Variants in SLC13A5 observed in about 807,000 individuals in gnomAD.
SLC13A5 encodes Na(+)/citrate cotransporter.
SLC13A5 carries 25 observed loss-of-function variants against 56.5 expected under a neutral mutation model. The observed-to-expected ratio is 0.44, with a 90% CI of 0.32 to 0.62. SLC13A5 has a LOEUF of 0.62. Among genes scored for constraint, SLC13A5 ranks in the 20% least tolerant of loss-of-function variants. The probability of loss-of-function intolerance (pLI) is 0.04; values close to 1 mark genes in which losing one functional copy is unlikely to be tolerated. For missense variants in SLC13A5, 649 were observed against 737.8 expected (o/e 0.88, Z 1.39); for synonymous variants, 307 against 301.5 (o/e 1.02, Z -0.19).
intron 3 of SLC13A5, among the ~76,000 whole-genome samples, chr17:6,706,186 C>T (rs78514965): frequency 0.011 from 1,635 of 152,204 alleles, 25 homozygotes; most frequent in African/African-American, 0.036. Context: ...TGAGTGATAT[C>T]GGGGAAGATA....
chr17:6,694,939 G>A (rs563299387), intron 7 of SLC13A5, among the ~76,000 whole-genome samples: 30 of 152,216 alleles, frequency 2.0e-4, no homozygotes, highest in African/African-American at 7.0e-4. Context: ...TTCTGACAAC[G>A]TCTTAGCCAG....
At position 6,704,043 on chromosome 17, in the gene SLC13A5, A is replaced by T. The variant is rs771925824; in HGVS notation, c.382T>A (p.Phe128Ile). ...GACAGGAGGGCTGTGACGCCCATGA[A>T]GCCCAGCATCAGCCTGCAGAGGAGG... ...GAKPARLMLG[F>I]MGVTALLSMW... The change falls in exon 4 of 12, where the codon TTC becomes ATC. Residue 128 changes from phenylalanine to isoleucine, a missense_variant. Physicochemically the swap from Phe to Ile is conservative, Grantham distance 21. Transcript: ENST00000433363. 6.2e-7 allele frequency: 1 copy of T among 1,611,808 alleles called. No individual in the cohort carries two copies. Among genetic ancestry groups the T allele is most frequent in the African/African-American group, 1.3e-5 (1 of 74,876 alleles).
chr17:6,692,818 A>C lies in SLC13A5; in HGVS notation c.1275+226T>G. Reference sequence around the variant, plus strand: ...CTCTCTTGGCTAACCACGGTCACTCATTCACTCATTCCTGCAATCGCTCAA... The same window carrying C: ...CTCTCTTGGCTAACCACGGTCACTCCTTCACTCATTCCTGCAATCGCTCAA... On this transcript the variant is annotated intron_variant, in intron 9 of 11. Transcript: ENST00000433363. This position sits in a 1 kb window ranked among gnomAD's most constrained non-coding sequence, Gnocchi z 5.5. 1.8e-6 allele frequency: 1 copy of C among 562,658 alleles called. No individual in the cohort carries two copies. The highest frequency in any genetic ancestry group is 3.2e-6 in the Non-Finnish European group (1 of 314,732). 34.9% of individuals were successfully genotyped at this position (562,658 alleles called of 1,614,324 possible). A position where few individuals can be genotyped will look rare whatever the true frequency, so the allele number is the denominator to read the frequency against.
intron 4 of SLC13A5, among the ~76,000 whole-genome samples, chr17:6,703,595 G>A (rs561613023): frequency 1.3e-4 from 20 of 152,304 alleles, no homozygotes; most frequent in African/African-American, 4.3e-4. Context: ...CTAAGTGCTC[G>A]AAAGATGCCC....
chr17:6,696,185 T>G (rs1973556464), intron 6 of SLC13A5, among the ~76,000 whole-genome samples: 1 of 152,130 alleles, frequency 6.6e-6, no homozygotes, highest in South Asian at 2.1e-4. Flanking sequence ...CCCAGACACC[T>G]GGAGACTGGC....
At chr17:6,696,800 C>G (rs1183374895) in intron 6 of SLC13A5, among the ~76,000 whole-genome samples, 1 of 152,110 alleles carries the variant, frequency 6.6e-6, no homozygotes, top group Non-Finnish European at 1.5e-5. Context: ...CCTGGAGAGC[C>G]CTCCCTCGTG....
Position 6,694,325 on chromosome 17 carries a change from G to A in SLC13A5, c.1056-128C>T. On this transcript the variant is annotated intron_variant, in intron 7 of 11. Transcript: ENST00000433363. ...CAGGCTCACAGCCTTAAAAGTCAAGGTCAAGAGTGGTGGCCAGGTGCAGTG... is the reference window on the plus strand; with the variant it reads ...CAGGCTCACAGCCTTAAAAGTCAAGATCAAGAGTGGTGGCCAGGTGCAGTG... 3 of 585,452 alleles carry A rather than the reference G, an allele frequency of 5.1e-6. No homozygotes were observed. The South Asian group carries it at 6.2e-5, about 12-fold the overall frequency. 36.3% of individuals were successfully genotyped at this position (585,452 alleles called of 1,614,324 possible).
intron 6 of SLC13A5, among the ~76,000 whole-genome samples, chr17:6,697,040 T>C (rs1193891055): frequency 6.6e-6 from 1 of 152,050 alleles, no homozygotes; most frequent in Non-Finnish European, 1.5e-5. Context: ...GGACCTCAGG[T>C]CTACACGGCT....
At chr17:6,700,750 G>A (rs990104768) in intron 6 of SLC13A5, among the ~76,000 whole-genome samples, 2 of 152,202 alleles carry the variant, frequency 1.3e-5, no homozygotes, top group Admixed American at 1.3e-4. Context: ...AGCAGCATTT[G>A]AACTAGCCTT....
rs764688100 is a variant in SLC13A5 at position 6,706,705 on chromosome 17, C to T, written c.305G>A (p.Arg102His). ...GGCGATCCTCTTGTGCAGGTTCCAG[C>T]GCTCCACAGCCACGGCCACGATGAG... ...GGLIVAVAVE[R>H]WNLHKRIALR... The change falls in exon 3 of 12, where the codon CGC becomes CAC. Residue 102 changes from arginine (R) to histidine (H), a missense_variant. By Grantham distance (29) the Arg-to-His change is conservative (BLOSUM62 0). Transcript: ENST00000433363. The T allele has an allele frequency of 2.4e-5, 39 of 1,613,834 alleles. No individual in the cohort carries two copies. The highest frequency in any genetic ancestry group is 1.5e-4 in the Admixed American group (9 of 59,986).
At chr17:6,708,791 C>A (rs1320534026) in intron 1 of SLC13A5, among the ~76,000 whole-genome samples, 1 of 152,206 alleles carries the variant, frequency 6.6e-6, no homozygotes, top group African/African-American at 2.4e-5. Context: ...AGAATGCACA[C>A]TGACACGCAC....
intron 6 of SLC13A5, among the ~76,000 whole-genome samples, chr17:6,697,156 G>A (rs1026207373): frequency 9.9e-5 from 15 of 152,164 alleles, no homozygotes; most frequent in Admixed American, 7.2e-4. Flanking sequence ...GTAAGACAGG[G>A]CCTCTCTGCT....
At chr17:6,704,549 G>A (rs1973814308) in intron 3 of SLC13A5, 1 of 282,156 alleles carries the variant, frequency 3.5e-6, no homozygotes. Flanking sequence ...AGCAGAGTAG[G>A]GGTAGGGTGA....
At chr17:6,706,493 A>G in intron 3 of SLC13A5, 149 bp downstream of exon 3, 2 of 1,139,792 alleles carry the variant, frequency 1.8e-6, no homozygotes, top group Non-Finnish European at 2.4e-6. Context: ...CTCTCCCACT[A>G]AAGCTATAAC....
rs1301686731 is a variant in SLC13A5, at chr17:6,704,065, G to T, written c.369-9C>A. 6.8e-6 allele frequency: 11 copies of T among 1,605,978 alleles called. No individual in the cohort carries two copies. The highest frequency in any genetic ancestry group is 9.3e-6 in the Non-Finnish European group (11 of 1,176,870). On this transcript the variant is annotated splice_polypyrimidine_tract_variant and intron_variant, in intron 3 of 11. Coordinates refer to ENST00000433363, the MANE Select transcript of SLC13A5 (RefSeq NM_177550.5). ...TGAAGCCCAGCATCAGCCTGCAGAG[G>T]AGGGGCAGGGAGGAAAGCCAGAGAA...
chr17:6,702,061 C>A (rs1177629179), intron 5 of SLC13A5, among the ~76,000 whole-genome samples: 1 of 152,158 alleles, frequency 6.6e-6, no homozygotes, highest in Non-Finnish European at 1.5e-5. Flanking sequence ...AAAACACTCC[C>A]GAAATTAAAA....
chr17:6,689,424 TG>T (rs1167463473), intron 10 of SLC13A5: 1 of 152,230 alleles, frequency 6.6e-6, no homozygotes, highest in Non-Finnish European at 1.5e-5. Context: ...TAGAGGTAGC[TG>T]GGGGAGTTTT....
chr17:6,711,560 GTGTGTTTGTGTGTC>G lies in SLC13A5; in HGVS notation c.102+1658_102+1671del, dbSNP rs1466182882. 6.3e-5 allele frequency among the ~76,000 whole-genome samples: 9 copies of G among 143,060 alleles called. No homozygotes were observed. Among genetic ancestry groups the G allele is most frequent in the South Asian group, 4.4e-4 (2 of 4,528 alleles). 93.9% of individuals were successfully genotyped at this position (143,060 alleles called of 152,430 possible). A position where few individuals can be genotyped will look rare whatever the true frequency, so the allele number is the denominator to read the frequency against. On this transcript the variant is annotated intron_variant, in intron 1 of 11. Coordinates refer to ENST00000433363, the MANE Select transcript of SLC13A5 (RefSeq NM_177550.5). This position sits in a 1 kb window ranked among gnomAD's most constrained non-coding sequence, Gnocchi z 4.0. ...GTGTGTTTTGTGTGTGTGTTTGTGT[GTGTGTTTGTGTGTC>G]TGTGTTTGTGTGTTTGGGTGTGTGT...
chr17:6,712,019 G>C (rs1044318976), intron 1 of SLC13A5, among the ~76,000 whole-genome samples: 1 of 152,116 alleles, frequency 6.6e-6, no homozygotes, highest in Admixed American at 6.6e-5. Flanking sequence ...AGGAACTAAC[G>C]TTAATCCCTT....
Sources: gnomAD v4.1 joint callset for allele counts (sites outside exome capture counted in the v4.1 genomes callset) on GRCh38, gnomAD v4.1.1 for gene constraint, Gnocchi (gnomAD v3.1) non-coding constraint, MANE v1.5 for transcripts, NCBI Gene and HGNC (gene_info 2026-07-23, HGNC 2026-07-21) for gene names.